Variants in WDR36 observed in about 807,000 individuals in gnomAD.
The protein encoded by WDR36 is WD repeat domain 36.
A neutral mutation model predicts 112.7 loss-of-function variants in WDR36; 63 were observed. The ratio of observed to expected loss-of-function variants is 0.56; its 90% CI spans 0.46 to 0.69. WDR36 has a LOEUF of 0.69. WDR36 is among the 30% of genes least tolerant of loss of function. The probability of loss-of-function intolerance (pLI) is 0.00; values close to 1 mark genes in which losing one functional copy is unlikely to be tolerated. For missense variants in WDR36, 1,226 were observed against 1,070.3 expected (o/e 1.15, Z -2.03); for synonymous variants, 410 against 362.2 (o/e 1.13, Z -1.50).
At chr5:111,124,234 T>G (rs780758170) in intron 21 of WDR36, 45 bp downstream of exon 21, 1 of 1,477,252 alleles carries the variant, frequency 6.8e-7, no homozygotes, top group South Asian at 1.2e-5. Flanking sequence ...TTTAGCTTAT[T>G]TTACTGTATA....
chr5:111,120,967 T>G, intron 18 of WDR36, 29 bp from the exon 19 acceptor site: 1 of 1,590,522 alleles, frequency 6.3e-7, no homozygotes, highest in African/African-American at 1.3e-5. Flanking sequence ...GATAAAAATC[T>G]TTTGTTTTAC....
chr5:111,096,075 T>C (rs1456510917), intron 2 of WDR36, among the ~76,000 whole-genome samples: 1 of 152,236 alleles, frequency 6.6e-6, no homozygotes, highest in Non-Finnish European at 1.5e-5. Flanking sequence ...AACAGGGTTA[T>C]GCAAACAAAT....
At chr5:111,113,791 G>A (rs76369601) in intron 16 of WDR36, among the ~76,000 whole-genome samples, 7,060 of 152,148 alleles carry the variant, frequency 0.046, 447 homozygotes, top group African/African-American at 0.12. Context: ...CACAGAGTAA[G>A]GGGACTGAGC....
chr5:111,100,252 C>G (rs1215775464), intron 4 of WDR36, among the ~76,000 whole-genome samples: 2 of 151,842 alleles, frequency 1.3e-5, no homozygotes, highest in Non-Finnish European at 2.9e-5. Flanking sequence ...GTCTGTTGAT[C>G]AAATTACAGA....
chr5:111,123,539 A>G (rs564763732), intron 19 of WDR36, among the ~76,000 whole-genome samples: 1 of 152,298 alleles, frequency 6.6e-6, no homozygotes, highest in Middle Eastern at 3.4e-3. Context: ...CAGGAAAATG[A>G]GCTGTGTTTG....
Position 111,110,309 on chromosome 5 carries a change from G to A in WDR36, c.1441+6G>A, listed in dbSNP as rs761955353. On this transcript the variant is annotated splice_donor_region_variant and intron_variant, in intron 13 of 22. Transcript: ENST00000513710. ...AAGTTTTGGCAAGGATCAAGGTAGAGAATTTTTTTCCTTGTTTTTTATTAA... is the reference window on the plus strand; with the variant it reads ...AAGTTTTGGCAAGGATCAAGGTAGAAAATTTTTTTCCTTGTTTTTTATTAA... The A allele has an allele frequency of 6.2e-7, 1 of 1,603,256 alleles. No homozygotes were observed. The highest frequency in any genetic ancestry group is 8.5e-7 in the Non-Finnish European group (1 of 1,170,910).
Position 111,103,917 on chromosome 5 carries a change from A to T in WDR36, c.729A>T (p.Thr243=), listed in dbSNP as rs1753170161. 6.2e-7 allele frequency: 1 copy of T among 1,610,878 alleles called. No individual in the cohort carries two copies. The highest frequency in any genetic ancestry group is 8.5e-7 in the Non-Finnish European group (1 of 1,178,086). The change falls in exon 7 of 23, where the codon ACA becomes ACT. Residue 243 remains threonine (T), a splice_region_variant and synonymous_variant. Transcript: ENST00000513710. ...WGPITSISFR[T]DGHPVMAAGS... is the part of the protein sequence containing the mutation. ...CCATTACTTCAATTTCATTTCGCAC[A>T]GGTAACTTTTAACATACTTATTGAT...
At chr5:111,101,137 C>G (rs1186671916) in intron 5 of WDR36, among the ~76,000 whole-genome samples, 1 of 151,826 alleles carries the variant, frequency 6.6e-6, no homozygotes, top group Non-Finnish European at 1.5e-5. Flanking sequence ...GTCCTGGAAC[C>G]AATCCCCCAC....
intron 19 of WDR36, among the ~76,000 whole-genome samples, chr5:111,123,308 A>G (rs1030273081): frequency 6.6e-6 from 1 of 152,230 alleles, no homozygotes; most frequent in African/African-American, 2.4e-5. Flanking sequence ...TAGAAAAATT[A>G]GAGCTGTACT....
rs1275568554 is a variant in WDR36, at chr5:111,110,253, T to C, written c.1391T>C (p.Val464Ala). The C allele has an allele frequency of 6.2e-7, 1 of 1,611,180 alleles. No individual in the cohort carries two copies. Among genetic ancestry groups the C allele is most frequent in the Non-Finnish European group, 8.5e-7 (1 of 1,177,794 alleles). ...VIGLSSGTVD[V>A]YNMQSGIHRG... Reference sequence around the variant, plus strand: ...GGCCTCTCATCAGGAACTGTAGATGTATATAACATGCAGTCTGGCATACAT... The same window carrying C: ...GGCCTCTCATCAGGAACTGTAGATGCATATAACATGCAGTCTGGCATACAT... The change falls in exon 13 of 23, where the codon GTA (valine) becomes GCA (alanine). Residue 464 changes from valine (V) to alanine (A), a missense_variant. Coordinates refer to ENST00000513710, the MANE Select transcript of WDR36 (RefSeq NM_139281.3).
chr5:111,106,092 C>T lies in WDR36; in HGVS notation c.1129C>T (p.Leu377Phe). The T allele has an allele frequency of 6.2e-7, 1 of 1,609,916 alleles. No homozygotes were observed. Among genetic ancestry groups the T allele is most frequent in the South Asian group, 1.1e-5 (1 of 90,980 alleles). The change falls in exon 11 of 23, where the codon CTT becomes TTT. Residue 377 changes from leucine to phenylalanine, a missense_variant. Leu to Phe is a conservative substitution (Grantham distance 22). Coordinates refer to ENST00000513710, the MANE Select transcript of WDR36 (RefSeq NM_139281.3). ...TAAAAAGAGAGTTAAACGTAAAGGACTTCAGAATACCATGTCAGTGAGACT... is the reference window on the plus strand; with the variant it reads ...TAAAAAGAGAGTTAAACGTAAAGGATTTCAGAATACCATGTCAGTGAGACT... ...INKKRVKRKG[L>F]QNTMSVRLPP...
In WDR36 at chr5:111,110,913, C is replaced by T; in HGVS notation, c.1567C>T (p.Leu523Phe). 1 of 1,611,412 alleles carries T rather than the reference C, an allele frequency of 6.2e-7. No individual in the cohort carries two copies. The highest frequency in any genetic ancestry group is 1.1e-5 in the South Asian group (1 of 91,010). ...CAAAATTTTAATCCATTCTGTGAGC[C>T]TCAGTTCATCTCCAAATATCATGTT... ...KNKILIHSVS[L>F]SSSPNIMLLH... The change falls in exon 14 of 23, where the codon CTC (leucine) becomes TTC (phenylalanine). Residue 523 changes from leucine to phenylalanine, a missense_variant. Coordinates refer to ENST00000513710, the MANE Select transcript of WDR36 (RefSeq NM_139281.3).
chr5:111,092,543 C>T lies in WDR36; in HGVS notation c.87C>T (p.His29=). 4 of 1,614,244 alleles carry T rather than the reference C, an allele frequency of 2.5e-6. No homozygotes were observed. Among genetic ancestry groups the T allele is most frequent in the South Asian group, 2.2e-5 (2 of 91,090 alleles). ...GACTTTTCAGCAACGACATTCCACACGTGGTGCGGTTCAGCGCGCTCAAGC... is the reference window on the plus strand; with the variant it reads ...GACTTTTCAGCAACGACATTCCACATGTGGTGCGGTTCAGCGCGCTCAAGC... The part of the protein sequence containing the change: ...ALGLFSNDIP[H]VVRFSALKRR... Residue 29 remains histidine, a synonymous_variant, in exon 1 of 23, where the codon CAC becomes CAT. Transcript: ENST00000513710.
At chr5:111,117,736 T>A (rs1461229191) in intron 16 of WDR36, among the ~76,000 whole-genome samples, 2 of 152,124 alleles carry the variant, frequency 1.3e-5, no homozygotes, top group Non-Finnish European at 2.9e-5. Flanking sequence ...TTAATCTTGT[T>A]CTTGAAATAA....
chr5:111,100,387 G>A (rs1364706284), intron 4 of WDR36, among the ~76,000 whole-genome samples: 2 of 151,674 alleles, frequency 1.3e-5, no homozygotes, highest in Non-Finnish European at 2.9e-5. Flanking sequence ...ATTTTTGACA[G>A]TCTAAATTAA....
chr5:111,117,952 C>G (rs941371337), intron 16 of WDR36, among the ~76,000 whole-genome samples: 5 of 152,120 alleles, frequency 3.3e-5, no homozygotes, highest in African/African-American at 1.2e-4. Flanking sequence ...CTTTTCACTT[C>G]CTGCTACCAC....
chr5:111,111,361 T>C lies in WDR36; in HGVS notation c.1716+83T>C. 5 of 1,070,508 alleles carry C rather than the reference T, an allele frequency of 4.7e-6. No homozygotes were observed. In the South Asian group the frequency reaches 6.4e-5, roughly 14 times the overall value. 66.3% of individuals were successfully genotyped at this position (1,070,508 alleles called of 1,614,324 possible). A position where few individuals can be genotyped will look rare whatever the true frequency, so the allele number is the denominator to read the frequency against. On this transcript the variant is annotated intron_variant, in intron 15 of 22. Coordinates refer to ENST00000513710, the MANE Select transcript of WDR36 (RefSeq NM_139281.3). The stretch of plus-strand genomic sequence containing the variant: ...TATCCTTTAATAGCCTTAAAATCAT[T>C]ATATGAGGTGGTTATCAATTTTAAT...
chr5:111,094,143 G>T (rs1260475809), intron 1 of WDR36, among the ~76,000 whole-genome samples: 3 of 152,208 alleles, frequency 2.0e-5, no homozygotes, highest in Non-Finnish European at 4.4e-5. Context: ...CAGTCCTACA[G>T]ATTAGTTTCT....
intron 21 of WDR36, 39 bp downstream of exon 21, chr5:111,124,228 G>T: frequency 6.6e-7 from 1 of 1,517,458 alleles, no homozygotes; most frequent in South Asian, 1.2e-5. Context: ...AATATATTTA[G>T]CTTATTTTAC....
Sources: gnomAD v4.1 joint callset for allele counts (sites outside exome capture counted in the v4.1 genomes callset) on GRCh38, gnomAD v4.1.1 for gene constraint, MANE v1.5 for transcripts, NCBI Gene and HGNC (gene_info 2026-07-23, HGNC 2026-07-21) for gene names.